STXBP5L: variants seen among roughly 807,000 people sequenced by gnomAD.
The protein encoded by STXBP5L is syntaxin binding protein 5L.
In STXBP5L, 65 loss-of-function variants were observed where a neutral mutation model predicts 144.5. The observed-to-expected ratio is 0.45, with a 90% CI of 0.37 to 0.55. STXBP5L has a LOEUF of 0.55. Ranked by LOEUF, STXBP5L falls within the 20% of genes least tolerant of loss-of-function variation. STXBP5L has a pLI of 0.00. For synonymous variants in STXBP5L, 505 were observed against 469.6 expected, an observed-to-expected ratio of 1.08 and a Z score of -0.97; for missense variants, 1,298 against 1,405.5, an observed-to-expected ratio of 0.92 and a Z score of 1.22.
chr3:121,218,079 T>C (rs1443162775), intron 10 of STXBP5L, among the ~76,000 whole-genome samples: 4 of 141,856 alleles, frequency 2.8e-5, no homozygotes, highest in African/African-American at 7.8e-5. Flanking sequence ...ATACAGTATA[T>C]AATATAATAT....
chr3:121,032,504 G>A (rs1037643444), intron 3 of STXBP5L, among the ~76,000 whole-genome samples: 3 of 151,640 alleles, frequency 2.0e-5, no homozygotes, highest in African/African-American at 7.3e-5. Flanking sequence ...TCAGGACATA[G>A]GCACGGGCAA....
At chr3:120,936,619 T>G (rs867102440) in intron 2 of STXBP5L, among the ~76,000 whole-genome samples, 3 of 146,830 alleles carry the variant, frequency 2.0e-5, no homozygotes, top group Non-Finnish European at 3.0e-5. Context: ...TACATGCAGG[T>G]TTTTTTTTTT....
intron 2 of STXBP5L, among the ~76,000 whole-genome samples, chr3:120,951,226 T>G (rs894111942): frequency 1.2e-4 from 18 of 152,120 alleles, no homozygotes; most frequent in Middle Eastern, 3.2e-3. Context: ...GCATTACCAT[T>G]CAGGACATAG....
intron 5 of STXBP5L, among the ~76,000 whole-genome samples, chr3:121,075,778 C>T (rs1464204507): frequency 6.6e-6 from 1 of 152,156 alleles, no homozygotes; most frequent in Non-Finnish European, 1.5e-5. Context: ...ACTTTGTAGC[C>T]CTTGAGCCTG....
chr3:121,214,941 A>G (rs2108267883), intron 10 of STXBP5L, among the ~76,000 whole-genome samples: 1 of 151,872 alleles, frequency 6.6e-6, no homozygotes, highest in African/African-American at 2.4e-5. Context: ...TCTTGCATTG[A>G]TCCCTTTACC....
intron 22 of STXBP5L, among the ~76,000 whole-genome samples, chr3:121,382,458 C>A (rs2046342969): frequency 6.6e-6 from 1 of 151,852 alleles, no homozygotes; most frequent in Non-Finnish European, 1.5e-5. Flanking sequence ...TTACTATATT[C>A]CTAATTATAA....
intron 9 of STXBP5L, among the ~76,000 whole-genome samples, chr3:121,191,601 C>T (rs1243191818): frequency 6.6e-6 from 1 of 151,900 alleles, no homozygotes; most frequent in African/African-American, 2.4e-5. Context: ...TGAAGAAAGT[C>T]ATTGGTAGCT....
intron 3 of STXBP5L, among the ~76,000 whole-genome samples, chr3:121,015,416 C>T (rs1042218734): frequency 1.3e-5 from 2 of 152,098 alleles, no homozygotes; most frequent in Non-Finnish European, 2.9e-5. Context: ...AAACCTACAG[C>T]CAGAAGCCTG....
chr3:121,114,868 A>G (rs2044162902), intron 5 of STXBP5L, 57 bp from the exon 6 acceptor site: 1 of 1,255,524 alleles, frequency 8.0e-7, no homozygotes, highest in Middle Eastern at 2.8e-4. Flanking sequence ...TAAGGAAAAT[A>G]TAATGCTGAC....
chr3:120,991,134 G>A (rs1425042717), intron 3 of STXBP5L, among the ~76,000 whole-genome samples: 1 of 151,202 alleles, frequency 6.6e-6, no homozygotes, highest in East Asian at 2.0e-4. Flanking sequence ...AAATTTACAA[G>A]AAACAAACAA....
At chr3:121,194,909 C>CTTTTTTTTTTTTTTT (rs10717806) in intron 9 of STXBP5L, among the ~76,000 whole-genome samples, 8 of 68,480 alleles carry the variant, frequency 1.2e-4, no homozygotes, top group Admixed American at 2.3e-4. Context: ...TCTTTTCACT[C>CTTTTTTTTTTTTTTT]TTTTTTTTTT....
intron 20 of STXBP5L, among the ~76,000 whole-genome samples, chr3:121,338,414 C>G (rs897436345): frequency 6.6e-6 from 1 of 151,528 alleles, no homozygotes; most frequent in Admixed American, 6.6e-5. Context: ...GAGTCTGAGG[C>G]GGGTGGATCA....
At chr3:121,093,233 C>G (rs1272175376) in intron 5 of STXBP5L, among the ~76,000 whole-genome samples, 7 of 152,116 alleles carry the variant, frequency 4.6e-5, no homozygotes, top group Admixed American at 4.6e-4. Flanking sequence ...CTAAAATTCT[C>G]TTTTTTGGTT....
chr3:121,067,044 G>T (rs551002720), intron 5 of STXBP5L, among the ~76,000 whole-genome samples: 1 of 151,786 alleles, frequency 6.6e-6, no homozygotes, highest in African/African-American at 2.4e-5. Context: ...TCCTAATATT[G>T]GTTATTTTTG....
At chr3:121,393,532 C>T (rs188075869) in intron 22 of STXBP5L, among the ~76,000 whole-genome samples, 8 of 152,224 alleles carry the variant, frequency 5.3e-5, no homozygotes, top group Admixed American at 5.2e-4. Context: ...AGAGTTTTTG[C>T]TAGGTTTCCT....
chr3:121,303,041 T>C (rs2108494987), intron 19 of STXBP5L, among the ~76,000 whole-genome samples: 1 of 152,158 alleles, frequency 6.6e-6, no homozygotes, highest in East Asian at 1.9e-4. Context: ...GGGATCTAAT[T>C]AAGCTAAAGA....
intron 10 of STXBP5L, among the ~76,000 whole-genome samples, chr3:121,211,722 G>A (rs567370571): frequency 1.4e-4 from 22 of 151,802 alleles, no homozygotes; most frequent in Non-Finnish European, 2.8e-4. Context: ...GTGACTACAG[G>A]CATGTGCCAC....
At chr3:121,350,043 C>G (rs549459864) in intron 20 of STXBP5L, among the ~76,000 whole-genome samples, 11 of 152,142 alleles carry the variant, frequency 7.2e-5, no homozygotes, top group Non-Finnish European at 1.3e-4. Context: ...GATGCAGTTT[C>G]TCCCTAGCCT....
At chr3:121,179,395 GA>G (rs531882658) in intron 9 of STXBP5L, among the ~76,000 whole-genome samples, 10 of 152,066 alleles carry the variant, frequency 6.6e-5, no homozygotes, top group African/African-American at 1.7e-4. Flanking sequence ...CCATAAGAGG[GA>G]AAAAAAGTAA....
Sources: allele counts gnomAD v4.1 joint callset (sites outside exome capture counted in the v4.1 genomes callset), GRCh38; gene constraint gnomAD v4.1.1; transcripts MANE v1.5; gene names NCBI Gene and HGNC (gene_info 2026-07-23, HGNC 2026-07-21).